Variants in SLC35H1 observed in about 807,000 individuals in gnomAD.
The protein encoded by SLC35H1 is ovarian cancer-overexpressed gene 1 protein.
At chr20:46,350,372 C>T in the SLC35H1 span, 1 of 1,590,574 alleles carries the variant, frequency 6.3e-7, no homozygotes, top group South Asian at 1.1e-5. Flanking sequence ...TGGCCTGCTT[C>T]TAAGCCATTT....
At chr20:46,359,936 C>T in the SLC35H1 span, among the ~76,000 whole-genome samples, 7 of 152,338 alleles carry the variant, frequency 4.6e-5, no homozygotes, top group South Asian at 1.5e-3. Context: ...TATTTCCCCT[C>T]CCCGGGGCAA....
At chr20:46,348,797 CTT>C in the SLC35H1 span, 1 of 152,220 alleles carries the variant, frequency 6.6e-6, no homozygotes, top group Non-Finnish European at 1.5e-5. Flanking sequence ...CTGGATCCTA[CTT>C]TTGTAAATGG....
At chr20:46,356,550 C>T in the SLC35H1 span, 1 of 1,613,108 alleles carries the variant, frequency 6.2e-7, no homozygotes, top group Non-Finnish European at 8.5e-7. Flanking sequence ...TGAAGGGAGG[C>T]AGCAGGGCAT....
chr20:46,358,364 GC>G, the SLC35H1 span: 1 of 1,606,732 alleles, frequency 6.2e-7, no homozygotes, highest in Non-Finnish European at 8.5e-7. Flanking sequence ...CCAGCACCCC[GC>G]CCCAGCAAGG....
chr20:46,348,184 A>T, the SLC35H1 span: 1 of 152,202 alleles, frequency 6.6e-6, no homozygotes, highest in African/African-American at 2.4e-5. Context: ...GTGGGGGAGG[A>T]GAGGGAGCCC....
chr20:46,357,230 C>T, the SLC35H1 span, among the ~76,000 whole-genome samples: 1 of 152,258 alleles, frequency 6.6e-6, no homozygotes, highest in African/African-American at 2.4e-5. Context: ...CAGCCATGGG[C>T]CCCGGCCTTG....
At chr20:46,362,362 C>G in the SLC35H1 span, among the ~76,000 whole-genome samples, 2 of 152,186 alleles carry the variant, frequency 1.3e-5, no homozygotes, top group Non-Finnish European at 2.9e-5. Flanking sequence ...CTGGGGGCAG[C>G]AGTCACATCA....
the SLC35H1 span, among the ~76,000 whole-genome samples, chr20:46,362,597 C>G: frequency 6.6e-6 from 1 of 152,256 alleles, no homozygotes; most frequent in African/African-American, 2.4e-5. Context: ...TAAATGCTGG[C>G]TCATGGTAGA....
the SLC35H1 span, chr20:46,364,342 G>C: frequency 2.0e-5 from 3 of 152,268 alleles, no homozygotes; most frequent in African/African-American, 7.2e-5. Flanking sequence ...CTGGGAGTGC[G>C]CCGGGAGGCC....
At chr20:46,346,427 T>C in the SLC35H1 span, 7 of 152,114 alleles carry the variant, frequency 4.6e-5, no homozygotes, top group Non-Finnish European at 8.8e-5. Context: ...GCAAGTCATT[T>C]GGAAGTTAGA....
the SLC35H1 span, chr20:46,355,277 G>A: frequency 2.7e-5 from 43 of 1,577,618 alleles, no homozygotes; most frequent in Admixed American, 7.4e-5. The surrounding 1 kb of genome is among the most constrained non-coding windows in gnomAD (Gnocchi z 4.8). Context: ...CTAACTCGGG[G>A]GTCTTGAGGG....
the SLC35H1 span, chr20:46,350,369 C>T: frequency 6.3e-7 from 1 of 1,587,822 alleles, no homozygotes; most frequent in South Asian, 1.1e-5. Flanking sequence ...GAGTGGCCTG[C>T]TTCTAAGCCA....
the SLC35H1 span, chr20:46,354,811 G>T: frequency 7.5e-7 from 1 of 1,334,616 alleles, no homozygotes; most frequent in Non-Finnish European, 1.1e-6. Context: ...AGCTACCACT[G>T]TGTTGGGCTC....
At chr20:46,358,969 A>T in the SLC35H1 span, 1 of 591,614 alleles carries the variant, frequency 1.7e-6, no homozygotes. Flanking sequence ...CTTTTAAAAC[A>T]CAAACTGATC....
At chr20:46,353,550 C>CA in the SLC35H1 span, among the ~76,000 whole-genome samples, 1 of 152,200 alleles carries the variant, frequency 6.6e-6, no homozygotes, top group Non-Finnish European at 1.5e-5. Context: ...ACAGTCCCCC[C>CA]AGGCAAAACA....
chr20:46,346,884 T>A, the SLC35H1 span: 1 of 83,238 alleles, frequency 1.2e-5, no homozygotes, highest in Non-Finnish European at 2.6e-5. Flanking sequence ...AAAAACTCCA[T>A]GTCAAAAAAA....
At chr20:46,360,080 C>T in the SLC35H1 span, among the ~76,000 whole-genome samples, 4 of 152,216 alleles carry the variant, frequency 2.6e-5, no homozygotes, top group African/African-American at 7.2e-5. Context: ...GGGCAGTCCA[C>T]ATAGCCAATT....
the SLC35H1 span, chr20:46,349,231 T>C: frequency 6.6e-6 from 1 of 152,268 alleles, no homozygotes; most frequent in East Asian, 1.9e-4. Flanking sequence ...GGGTCTCCCA[T>C]GGCCCGGGAA....
the SLC35H1 span, chr20:46,363,180 T>G: frequency 1.3e-5 from 2 of 152,254 alleles, no homozygotes; most frequent in Non-Finnish European, 2.9e-5. Flanking sequence ...TTTTCTGGAC[T>G]CCTTATTGGT....
Sources: allele counts gnomAD v4.1 joint callset (sites outside exome capture counted in the v4.1 genomes callset), GRCh38; gene constraint gnomAD v4.1.1; non-coding constraint Gnocchi (gnomAD v3.1); transcripts MANE v1.5; gene names NCBI Gene and HGNC (gene_info 2026-07-23, HGNC 2026-07-21).